The following ANK3 variants were observed in gnomAD, a reference collection of about 807,000 sequenced individuals.
ANK3 encodes the protein ankyrin 3, also known as ankyrin-3.
A neutral mutation model predicts 370.9 loss-of-function variants in ANK3; 57 were observed. The observed-to-expected ratio is 0.15, with a 90% CI of 0.12 to 0.19. The LOEUF (loss-of-function observed/expected upper bound fraction) is 0.19, where lower values mean the gene tolerates loss of function less well. ANK3 is among the 10% of genes least tolerant of loss of function. The probability of loss-of-function intolerance (pLI) is 1.00; values close to 1 mark genes in which losing one functional copy is unlikely to be tolerated. For missense variants in ANK3, 4,439 were observed against 5,302.1 expected (o/e 0.84, Z 5.06); for synonymous variants, 1,929 against 1,946.3 (o/e 0.99, Z 0.23).
intron 39 of ANK3, among the ~76,000 whole-genome samples, chr10:60,063,795 G>A (rs747827433): frequency 1.3e-5 from 2 of 152,142 alleles, no homozygotes; most frequent in African/African-American, 2.4e-5. Flanking sequence ...TTCCCTCTCT[G>A]CACATCCACC....
intron 1 of ANK3, among the ~76,000 whole-genome samples, chr10:60,697,617 G>C: frequency 7.0e-6 from 1 of 143,546 alleles, no homozygotes; most frequent in Non-Finnish European, 1.5e-5. Flanking sequence ...ACAACTATCT[G>C]ATCTTTGACA....
intron 8 of ANK3, among the ~76,000 whole-genome samples, chr10:60,228,496 C>T (rs1352754214): frequency 4.2e-5 from 6 of 143,754 alleles, no homozygotes; most frequent in African/African-American, 7.8e-5. Context: ...TGCGCCACTA[C>T]ACTCCAGCCT....
At chr10:60,183,593 T>C (rs1481781442) in intron 17 of ANK3, among the ~76,000 whole-genome samples, 1 of 152,186 alleles carries the variant, frequency 6.6e-6, no homozygotes, top group Non-Finnish European at 1.5e-5. Flanking sequence ...GCACAGTGGC[T>C]CACGTCTATA....
intron 2 of ANK3, among the ~76,000 whole-genome samples, chr10:60,446,120 CT>C (rs996432109): frequency 6.6e-6 from 1 of 152,118 alleles, no homozygotes; most frequent in Admixed American, 6.5e-5. Context: ...TGCCGGGGTA[CT>C]TTTGATGATG....
chr10:60,491,162 A>G (rs943083615), intron 2 of ANK3, among the ~76,000 whole-genome samples: 9 of 147,308 alleles, frequency 6.1e-5, no homozygotes, highest in African/African-American at 2.3e-4. Context: ...TGAATATAGC[A>G]CACTATTCAT....
intron 23 of ANK3, among the ~76,000 whole-genome samples, chr10:60,145,786 T>G (rs867718384): frequency 9.2e-5 from 14 of 152,148 alleles, no homozygotes; most frequent in Admixed American, 3.3e-4. Flanking sequence ...TACAAGAAAT[T>G]CGTAATCAAA....
In ANK3 at chr10:60,632,913, A is replaced by AAC. The variant is rs1555399256; in HGVS notation, c.58-17690_58-17689insGT. Among the ~76,000 whole-genome samples, 644 of 150,878 alleles carry AAC rather than the reference A, an allele frequency of 4.3e-3. 12 individuals are homozygous for AAC. The highest frequency in any genetic ancestry group is 2.6e-3 in the Non-Finnish European group (174 of 67,596). On this transcript the variant is annotated intron_variant, in intron 1 of 43. Transcript: ENST00000373827. ...CAAAAAAATAAAAAACAAAAAAAAA[A>AAC]CCATACTTATTCTTGCTTTGATAGC...
chr10:60,248,768 C>T (rs1416178759), intron 7 of ANK3, among the ~76,000 whole-genome samples: 1 of 152,114 alleles, frequency 6.6e-6, no homozygotes, highest in Admixed American at 6.5e-5. Context: ...TAGAAAATAC[C>T]AGAGCTGAGG....
intron 1 of ANK3, among the ~76,000 whole-genome samples, chr10:60,378,447 A>G (rs1271633029): frequency 1.3e-5 from 2 of 152,154 alleles, no homozygotes; most frequent in Non-Finnish European, 2.9e-5. Context: ...CTTAAAATAT[A>G]CTACAAACCT....
intron 1 of ANK3, among the ~76,000 whole-genome samples, chr10:60,349,611 A>C (rs1042222986): frequency 1.3e-5 from 2 of 152,188 alleles, no homozygotes; most frequent in Non-Finnish European, 2.9e-5. Context: ...AATAACTCAA[A>C]TTCTTTGGCT....
chr10:60,364,463 T>C (rs2059117207), intron 1 of ANK3, among the ~76,000 whole-genome samples: 1 of 151,930 alleles, frequency 6.6e-6, no homozygotes. Flanking sequence ...AAACACCGCA[T>C]GTTCTCACTC....
chr10:60,395,601 T>TTTCTTTCA (rs2063213821), intron 2 of ANK3, among the ~76,000 whole-genome samples: 1 of 119,630 alleles, frequency 8.4e-6, no homozygotes, highest in African/African-American at 3.6e-5. Flanking sequence ...TCTTTCTTTC[T>TTTCTTTCA]TTCTTTCTCT....
At chr10:60,676,206 T>C (rs947294516) in intron 1 of ANK3, among the ~76,000 whole-genome samples, 2 of 152,186 alleles carry the variant, frequency 1.3e-5, no homozygotes, top group African/African-American at 4.8e-5. Flanking sequence ...AAAATTTCCA[T>C]TACTTGCTCT....
At chr10:60,661,423 A>G (rs1367529587) in intron 1 of ANK3, among the ~76,000 whole-genome samples, 2 of 152,140 alleles carry the variant, frequency 1.3e-5, no homozygotes, top group East Asian at 3.9e-4. Context: ...AGTCCTTCCA[A>G]TTCATAAAAT....
rs537818843 is a variant in ANK3, at chr10:60,651,505, G to T, written c.58-36281C>A. ...AGAAACATACTTTTTTGAGTAAAAT[G>T]CAAATGAACTTCATGTTCTATTTTA... is the stretch of plus-strand genomic sequence containing the variant. On this transcript the variant is annotated intron_variant, in intron 1 of 43. Coordinates refer to the ANK3 transcript ENST00000373827. Among the ~76,000 whole-genome samples the T allele has an allele frequency of 1.1e-4, 17 of 152,302 alleles. No individual in the cohort carries two copies. In the South Asian group the frequency reaches 3.5e-3, roughly 32 times the overall value.
intron 1 of ANK3, among the ~76,000 whole-genome samples, chr10:60,382,976 T>A (rs1292475500): frequency 6.6e-6 from 1 of 152,084 alleles, no homozygotes; most frequent in Non-Finnish European, 1.5e-5. Flanking sequence ...ATAATTTAAC[T>A]TTCAACATCT....
At chr10:60,169,365 T>TTTG (rs35152821) in intron 21 of ANK3, among the ~76,000 whole-genome samples, 11,055 of 69,922 alleles carry the variant, frequency 0.16, 616 homozygotes, top group Admixed American at 0.17. Context: ...TGTCTCATAG[T>TTTG]TTTTTTTTTT....
rs546613944 is a variant in ANK3, at chr10:60,593,210, C to G, written c.96+21976G>C. 4.6e-5 allele frequency among the ~76,000 whole-genome samples: 7 copies of G among 152,248 alleles called. No individual in the cohort carries two copies. The East Asian group carries it at 1.3e-3, about 29-fold the overall frequency. On this transcript the variant is annotated intron_variant, in intron 2 of 43. Coordinates refer to the ANK3 transcript ENST00000373827. ...ATTAATCTTAAGGATCTTTAAGCACCTATTAATTAACTCTTATTATCATAG... is the reference window on the plus strand; with the variant it reads ...ATTAATCTTAAGGATCTTTAAGCACGTATTAATTAACTCTTATTATCATAG...
intron 2 of ANK3, among the ~76,000 whole-genome samples, chr10:60,413,977 A>G (rs908112533): frequency 6.6e-6 from 1 of 152,190 alleles, no homozygotes; most frequent in African/African-American, 2.4e-5. Flanking sequence ...AGCCTGAGTG[A>G]CAGAGTGAGA....
Sources: gnomAD v4.1 joint callset for allele counts (sites outside exome capture counted in the v4.1 genomes callset) on GRCh38, gnomAD v4.1.1 for gene constraint, MANE v1.5 for transcripts, NCBI Gene and HGNC (gene_info 2026-07-23, HGNC 2026-07-21) for gene names.